DCLK1: variants seen among roughly 807,000 people sequenced by gnomAD.
The protein encoded by DCLK1 is serine/threonine-protein kinase DCLK1.
A neutral mutation model predicts 86.2 loss-of-function variants in DCLK1; 16 were observed. The ratio of observed to expected loss-of-function variants is 0.19; its 90% confidence interval spans 0.13 to 0.28. The LOEUF is 0.28. Ranked by LOEUF, DCLK1 falls within the 10% of genes least tolerant of loss-of-function variation. DCLK1 has a pLI of 1.00. For missense variants in DCLK1, 590 were observed against 940.2 expected (o/e 0.63, Z 4.87); for synonymous variants, 369 against 370.5 (o/e 1.00, Z 0.05).
At chr13:35,891,750 C>T (rs1022179141) in intron 4 of DCLK1, among the ~76,000 whole-genome samples, 6 of 152,172 alleles carry the variant, frequency 3.9e-5, no homozygotes, top group Admixed American at 1.3e-4. Flanking sequence ...GGCTAGGAAA[C>T]GGCTTCATTA....
At chr13:35,848,243 A>T (rs1838895374) in intron 6 of DCLK1, 2 of 985,010 alleles carry the variant, frequency 2.0e-6, no homozygotes, top group Admixed American at 1.2e-4. Flanking sequence ...TCTATAAGTA[A>T]CTCAATCATA....
chr13:36,055,742 C>T (rs1248583143), intron 3 of DCLK1, among the ~76,000 whole-genome samples: 1 of 150,892 alleles, frequency 6.6e-6, no homozygotes, highest in Admixed American at 6.6e-5. Context: ...TGCCAGAGTG[C>T]ACTGATGTTG....
At chr13:36,020,530 TTTGTC>T (rs995263517) in intron 3 of DCLK1, among the ~76,000 whole-genome samples, 27 of 152,110 alleles carry the variant, frequency 1.8e-4, no homozygotes, top group Non-Finnish European at 1.2e-4. Context: ...TTCCCATTTG[TTTGTC>T]TCCAGGTCAA....
rs867830791 is a variant in DCLK1, at chr13:36,055,741, G to A, written c.723+56128C>T. On this transcript the variant is annotated intron_variant, in intron 3 of 16. Coordinates refer to ENST00000360631, the MANE Select transcript of DCLK1 (RefSeq NM_001330071.2). ...TAACTTCTTTAAAGCTTGCCAGAGT[G>A]CACTGATGTTGAGGTCAGTAATAGG... is the stretch of plus-strand genomic sequence containing the variant. 3.3e-5 allele frequency among the ~76,000 whole-genome samples: 5 copies of A among 150,990 alleles called. No homozygotes were observed. The South Asian group carries it at 6.3e-4, about 19-fold the overall frequency.
intron 3 of DCLK1, among the ~76,000 whole-genome samples, chr13:35,989,711 CTTT>C (rs567228278): frequency 7.5e-6 from 1 of 134,198 alleles, no homozygotes; most frequent in Non-Finnish European, 1.6e-5. Flanking sequence ...GGCTAATTGG[CTTT>C]TTTTTTTTTT....
intron 3 of DCLK1, among the ~76,000 whole-genome samples, chr13:36,069,980 A>T (rs1463978807): frequency 6.6e-6 from 1 of 152,082 alleles, no homozygotes; most frequent in Non-Finnish European, 1.5e-5. Flanking sequence ...TCAACAAAGA[A>T]CTCTTTGAGG....
rs1030536259 is a variant in DCLK1, at chr13:35,874,619, A to C, written c.824-3279T>G. Among the ~76,000 whole-genome samples the C allele has an allele frequency of 9.2e-5, 14 of 152,192 alleles. 1 individual carries two copies. Among genetic ancestry groups the C allele is most frequent in the Non-Finnish European group, 1.9e-4 (13 of 68,034 alleles). On this transcript the variant is annotated intron_variant, in intron 4 of 16. Transcript: ENST00000360631. ...TGCAAGATATTTCTGTTTTTTAAAA[A>C]AAAGAAAAAAATCTATACATACAGG...
chr13:35,849,753 G>A, intron 6 of DCLK1: 1 of 985,258 alleles, frequency 1.0e-6, no homozygotes, highest in South Asian at 4.7e-5. Flanking sequence ...ATTTTTCAGA[G>A]TGGAGATTTG....
chr13:36,124,648 C>T (rs1440609032), intron 2 of DCLK1, among the ~76,000 whole-genome samples: 1 of 152,198 alleles, frequency 6.6e-6, no homozygotes, highest in Non-Finnish European at 1.5e-5. Flanking sequence ...GCTACCTGCA[C>T]AAGAGAGGGA....
chr13:35,978,394 T>C (rs1399809391), intron 3 of DCLK1, among the ~76,000 whole-genome samples: 1 of 151,856 alleles, frequency 6.6e-6, no homozygotes, highest in African/African-American at 2.4e-5. Flanking sequence ...TTAGTAGAGA[T>C]GGAGTTTCAC....
At chr13:35,849,217 G>A (rs868150751) in intron 6 of DCLK1, 73 of 985,128 alleles carry the variant, frequency 7.4e-5, no homozygotes, top group South Asian at 6.1e-4. Context: ...GGTAACATAC[G>A]TAACTATAAA....
At chr13:36,107,077 A>T (rs1885421875) in intron 3 of DCLK1, among the ~76,000 whole-genome samples, 1 of 142,876 alleles carries the variant, frequency 7.0e-6, no homozygotes, top group Admixed American at 7.2e-5. Flanking sequence ...GCAATTATTG[A>T]CTCATTTACA....
At chr13:35,872,932 G>A (rs1365603216) in intron 4 of DCLK1, among the ~76,000 whole-genome samples, 1 of 151,734 alleles carries the variant, frequency 6.6e-6, no homozygotes, top group African/African-American at 2.4e-5. Flanking sequence ...CATCTTTCTT[G>A]GTCAACCCAT....
intron 3 of DCLK1, among the ~76,000 whole-genome samples, chr13:35,996,270 A>G (rs1044806933): frequency 6.6e-6 from 1 of 152,198 alleles, no homozygotes; most frequent in South Asian, 2.1e-4. Context: ...TGCTTTAAGA[A>G]GGAGAGATAG....
At chr13:35,884,162 G>C (rs751228756) in intron 4 of DCLK1, among the ~76,000 whole-genome samples, 13 of 151,960 alleles carry the variant, frequency 8.6e-5, no homozygotes, top group South Asian at 2.1e-4. Flanking sequence ...GGGAAATCCA[G>C]AGGTTCAGGG....
At chr13:36,089,445 C>T (rs1043703737) in intron 3 of DCLK1, among the ~76,000 whole-genome samples, 5 of 152,138 alleles carry the variant, frequency 3.3e-5, no homozygotes, top group African/African-American at 1.2e-4. Flanking sequence ...CAAGTTCAGC[C>T]CATGTTTCTT....
intron 11 of DCLK1, among the ~76,000 whole-genome samples, chr13:35,820,230 C>A (rs975253686): frequency 6.6e-6 from 1 of 152,020 alleles, no homozygotes. Flanking sequence ...CTTATCCCTG[C>A]AAAATTCACC....
At chr13:36,088,131 G>A (rs898513826) in intron 3 of DCLK1, among the ~76,000 whole-genome samples, 13 of 152,216 alleles carry the variant, frequency 8.5e-5, no homozygotes, top group Non-Finnish European at 5.9e-5. Flanking sequence ...CATCCTAGTG[G>A]TTATGCAAAG....
At chr13:35,895,765 A>AAACC (rs1873932381) in intron 4 of DCLK1, among the ~76,000 whole-genome samples, 1 of 152,030 alleles carries the variant, frequency 6.6e-6, no homozygotes, top group South Asian at 2.1e-4. Flanking sequence ...AAAACAAAAC[A>AAACC]GTAATTGCCT....
Sources: gnomAD v4.1 joint callset for allele counts (sites outside exome capture counted in the v4.1 genomes callset) on GRCh38, gnomAD v4.1.1 for gene constraint, MANE v1.5 for transcripts, NCBI Gene and HGNC (gene_info 2026-07-23, HGNC 2026-07-21) for gene names.